Variants in CNTNAP2 observed in about 807,000 individuals in gnomAD.
CNTNAP2 encodes contactin-associated protein-like 2.
Under a neutral mutation model 155.2 loss-of-function variants are expected in CNTNAP2, and 98 were observed. The ratio of observed to expected loss-of-function variants is 0.63; its 90% CI spans 0.54 to 0.75. The LOEUF is 0.75. CNTNAP2 is among the 30% of genes least tolerant of loss of function. The pLI is 0.00. For missense variants in CNTNAP2, 1,727 were observed against 1,688.1 expected, an observed-to-expected ratio of 1.02 and a Z score of -0.40; for synonymous variants, 651 against 631.2, an observed-to-expected ratio of 1.03 and a Z score of -0.47.
At chr7:147,848,395 A>G (rs1245243428) in intron 13 of CNTNAP2, among the ~76,000 whole-genome samples, 1 of 150,490 alleles carries the variant, frequency 6.6e-6, no homozygotes, top group Non-Finnish European at 1.5e-5. Flanking sequence ...TTGACTCGGA[A>G]AGGGAACTCC....
At chr7:146,417,706 T>C (rs1477777344) in intron 1 of CNTNAP2, among the ~76,000 whole-genome samples, 1 of 152,202 alleles carries the variant, frequency 6.6e-6, no homozygotes, top group Admixed American at 6.5e-5. Flanking sequence ...AAATTCATGA[T>C]TGGCTAAAAT....
chr7:147,861,353 T>C (rs1799129871), intron 13 of CNTNAP2, among the ~76,000 whole-genome samples: 1 of 149,624 alleles, frequency 6.7e-6, no homozygotes, highest in Non-Finnish European at 1.5e-5. Flanking sequence ...AAATAAGACC[T>C]AGCCCATGCT....
intron 13 of CNTNAP2, among the ~76,000 whole-genome samples, chr7:147,647,415 TA>T (rs1795384467): frequency 6.6e-6 from 1 of 151,594 alleles, no homozygotes; most frequent in Admixed American, 6.6e-5. Flanking sequence ...AGCAAAAAAA[TA>T]AAATAAAAAA....
In CNTNAP2 at chr7:147,232,505, AAG is replaced by A. The variant is rs140000684; in HGVS notation, c.1349-67629_1349-67628del. Reference sequence around the variant, plus strand: ...AAGCACAGACACAGAAATACAACAAAAGAGAGAGCCTAGAAATAAATTTACAC... The same window carrying A: ...AAGCACAGACACAGAAATACAACAAAAGAGAGCCTAGAAATAAATTTACAC... On this transcript the variant is annotated intron_variant, in intron 8 of 23. Transcript: ENST00000361727. Among the ~76,000 whole-genome samples, 167 of 152,340 alleles carry A rather than the reference AAG, an allele frequency of 1.1e-3. 1 individual carries two copies. In the East Asian group the frequency reaches 0.023, roughly 21 times the overall value.
chr7:146,303,751 G>T (rs1008391430), intron 1 of CNTNAP2, among the ~76,000 whole-genome samples: 2 of 152,140 alleles, frequency 1.3e-5, no homozygotes, highest in Admixed American at 6.5e-5. Context: ...ATCTTGATTT[G>T]GGGTGAAGAG....
rs565615023 is a variant in CNTNAP2 at position 146,141,409 on chromosome 7, C to T, written c.97+24436C>T. 5.3e-5 allele frequency among the ~76,000 whole-genome samples: 8 copies of T among 151,874 alleles called. No homozygotes were observed. In the East Asian group the frequency reaches 1.4e-3, roughly 26 times the overall value. On this transcript the variant is annotated intron_variant, in intron 1 of 23. Transcript: ENST00000361727. ...ATAGACTGTATTTTTTATGGATTTA[C>T]TTCAGGCTGAGGGACAGATTGTTCT...
At chr7:146,281,516 G>C (rs1800250996) in intron 1 of CNTNAP2, among the ~76,000 whole-genome samples, 2 of 152,150 alleles carry the variant, frequency 1.3e-5, no homozygotes, top group African/African-American at 4.8e-5. Context: ...CTTAATTTCA[G>C]CTGGGCGCAG....
chr7:147,507,583 C>T (rs533073684), intron 11 of CNTNAP2, among the ~76,000 whole-genome samples: 21 of 109,756 alleles, frequency 1.9e-4, no homozygotes, highest in East Asian at 8.0e-4. Flanking sequence ...TTTGGAGTCT[C>T]GCTCTGTCAC....
chr7:147,858,552 A>ATAGG (rs997322899), intron 13 of CNTNAP2, among the ~76,000 whole-genome samples: 9 of 152,220 alleles, frequency 5.9e-5, no homozygotes, highest in African/African-American at 2.2e-4. Flanking sequence ...GCCAAAGAAG[A>ATAGG]TAGGTTGAAT....
intron 3 of CNTNAP2, among the ~76,000 whole-genome samples, chr7:147,040,184 A>G (rs1161320368): frequency 6.6e-6 from 1 of 152,176 alleles, no homozygotes; most frequent in Non-Finnish European, 1.5e-5. Flanking sequence ...CAAGCCTATG[A>G]AAAAAAGCTC....
chr7:147,224,383 CATAA>C, intron 8 of CNTNAP2, among the ~76,000 whole-genome samples: 1 of 151,982 alleles, frequency 6.6e-6, no homozygotes, highest in Non-Finnish European at 1.5e-5. Context: ...TGTTAGGGTC[CATAA>C]ATAAAGTTTT....
chr7:147,718,047 TA>T (rs957908767), intron 13 of CNTNAP2, among the ~76,000 whole-genome samples: 2 of 152,134 alleles, frequency 1.3e-5, no homozygotes, highest in South Asian at 2.1e-4. Flanking sequence ...AAATCAAGGA[TA>T]AATTCATAGT....
chr7:147,551,292 G>A lies in CNTNAP2; in HGVS notation c.1778-10846G>A, dbSNP rs144267954. Among the ~76,000 whole-genome samples, 326 of 152,274 alleles carry A rather than the reference G, an allele frequency of 2.1e-3. 1 individual carries two copies. The highest frequency in any genetic ancestry group is 7.4e-3 in the African/African-American group (306 of 41,564). On this transcript the variant is annotated intron_variant, in intron 11 of 23. Transcript: ENST00000361727. Reference sequence around the variant, plus strand: ...AGATCACAAAAACTTTCATTACAGTGCGAATAGTTTAATGCAGCAGTTTCT... The same window carrying A: ...AGATCACAAAAACTTTCATTACAGTACGAATAGTTTAATGCAGCAGTTTCT...
intron 3 of CNTNAP2, among the ~76,000 whole-genome samples, chr7:146,878,669 C>A (rs1009596906): frequency 6.6e-6 from 1 of 152,024 alleles, no homozygotes; most frequent in African/African-American, 2.4e-5. Context: ...GTTTCTCTGA[C>A]CCCATTTCTG....
intron 15 of CNTNAP2, among the ~76,000 whole-genome samples, chr7:148,000,316 C>A (rs937436311): frequency 2.6e-5 from 4 of 152,090 alleles, no homozygotes; most frequent in Non-Finnish European, 5.9e-5. Flanking sequence ...GGGAAGAAGC[C>A]TTTGTGTTTA....
At chr7:146,450,980 C>T (rs999778139) in intron 1 of CNTNAP2, among the ~76,000 whole-genome samples, 3 of 141,500 alleles carry the variant, frequency 2.1e-5, no homozygotes, top group South Asian at 2.2e-4. Flanking sequence ...GGAGTCTTGC[C>T]CTGTCGTCCA....
chr7:147,409,088 A>T lies in CNTNAP2; in HGVS notation c.1670+13308A>T, dbSNP rs139914544. On this transcript the variant is annotated intron_variant, in intron 10 of 23. Transcript: ENST00000361727. ...GTTATATTCACTAGTCTCCCCAAAC[A>T]ATGTCTTAACTGACTATTTGTTTAG... 1.4e-3 allele frequency among the ~76,000 whole-genome samples: 215 copies of T among 152,332 alleles called. 1 individual carries two copies. In the Middle Eastern group the frequency reaches 0.017, roughly 12 times the overall value.
At chr7:146,750,513 C>T (rs542909403) in intron 1 of CNTNAP2, among the ~76,000 whole-genome samples, 14 of 152,284 alleles carry the variant, frequency 9.2e-5, no homozygotes, top group African/African-American at 3.4e-4. Context: ...TGTGGCGGAA[C>T]ACTCACTAGT....
intron 8 of CNTNAP2, among the ~76,000 whole-genome samples, chr7:147,299,103 T>A (rs755985495): frequency 4.6e-5 from 7 of 152,170 alleles, no homozygotes; most frequent in Non-Finnish European, 1.0e-4. Context: ...TTGTGCCGTC[T>A]GAAGAAGAAT....
Sources: allele counts gnomAD v4.1 joint callset (sites outside exome capture counted in the v4.1 genomes callset), GRCh38; gene constraint gnomAD v4.1.1; transcripts MANE v1.5; gene names NCBI Gene and HGNC (gene_info 2026-07-23, HGNC 2026-07-21).